GALNT17: variants seen among roughly 807,000 people sequenced by gnomAD.
The protein encoded by GALNT17 is UDP-GalNAc:polypeptide N-acetylgalactosaminyltransferase-like 3.
In GALNT17, 29 loss-of-function variants were observed where a neutral mutation model predicts 63.7. The observed-to-expected ratio is 0.46, with a 90% CI of 0.34 to 0.62. The LOEUF is 0.62. Ranked by LOEUF, GALNT17 falls within the 20% of genes least tolerant of loss-of-function variation. The probability of loss-of-function intolerance (pLI) is 0.01; values close to 1 mark genes in which losing one functional copy is unlikely to be tolerated. For missense variants in GALNT17, 603 were observed against 799.6 expected (o/e 0.75, Z 2.97); for synonymous variants, 305 against 318.3 (o/e 0.96, Z 0.45).
intron 1 of GALNT17, among the ~76,000 whole-genome samples, chr7:71,251,379 A>T (rs934304992): frequency 5.9e-5 from 9 of 152,200 alleles, no homozygotes; most frequent in African/African-American, 2.2e-4. Flanking sequence ...AATTAGTGTT[A>T]CTGGCAGTGG....
intron 5 of GALNT17, among the ~76,000 whole-genome samples, chr7:71,559,901 A>AC (rs72095869): frequency 3.1e-3 from 120 of 39,020 alleles, no homozygotes; most frequent in African/African-American, 0.013. Flanking sequence ...TAAAAACAAA[A>AC]AAAAAAAAAT....
At chr7:71,590,441 C>G (rs942816296) in intron 6 of GALNT17, among the ~76,000 whole-genome samples, 1 of 152,180 alleles carries the variant, frequency 6.6e-6, no homozygotes, top group Non-Finnish European at 1.5e-5. Flanking sequence ...CTGTCACTCT[C>G]ATTCATCTCC....
chr7:71,578,997 G>A (rs1415867574), intron 6 of GALNT17, among the ~76,000 whole-genome samples: 1 of 152,136 alleles, frequency 6.6e-6, no homozygotes, highest in East Asian at 1.9e-4. Context: ...AATGTAATTT[G>A]CATCATGGTC....
intron 5 of GALNT17, among the ~76,000 whole-genome samples, chr7:71,452,908 A>T (rs1403364211): frequency 6.6e-6 from 1 of 152,074 alleles, no homozygotes; most frequent in South Asian, 2.1e-4. Context: ...GCTTTTTCTC[A>T]ATTTTTCTCC....
At chr7:71,447,330 A>G (rs1459068143) in intron 5 of GALNT17, among the ~76,000 whole-genome samples, 1 of 152,206 alleles carries the variant, frequency 6.6e-6, no homozygotes, top group Non-Finnish European at 1.5e-5. Context: ...AACACTGCGT[A>G]CTGTTACAGG....
chr7:71,365,384 G>T (rs963001307), intron 2 of GALNT17, among the ~76,000 whole-genome samples: 2 of 152,104 alleles, frequency 1.3e-5, no homozygotes, highest in African/African-American at 4.8e-5. Context: ...TACTACAGGC[G>T]TGCGCCACCA....
intron 3 of GALNT17, among the ~76,000 whole-genome samples, chr7:71,411,825 C>T (rs1013823945): frequency 3.3e-5 from 5 of 152,232 alleles, no homozygotes. Flanking sequence ...TTTCCTGACC[C>T]TGGAGGTTGA....
In GALNT17 at chr7:71,710,651, C is replaced by T. The variant is rs145541844; in HGVS notation, c.1501-110C>T. The stretch of plus-strand genomic sequence containing the variant: ...CAGGCTGGGATGGTGGCCAGGACTG[C>T]AGTATTGACAAACAGCAGGAGTAAA... On this transcript the variant is annotated intron_variant, in intron 9 of 10. Transcript: ENST00000333538. 3.2e-6 allele frequency: 4 copies of T among 1,249,178 alleles called. No individual in the cohort carries two copies. The East Asian group carries it at 7.0e-5, about 22-fold the overall frequency. The allele number at this position is 1,249,178 out of a possible 1,614,324, so 77.4% of individuals were successfully genotyped here. A position where few individuals can be genotyped will look rare whatever the true frequency, so the allele number is the denominator to read the frequency against.
At chr7:71,316,305 G>A (rs1791499627) in intron 1 of GALNT17, among the ~76,000 whole-genome samples, 1 of 134,464 alleles carries the variant, frequency 7.4e-6, no homozygotes. Flanking sequence ...AGGGAGAATG[G>A]AACAGGGTGG....
At chr7:71,316,684 A>G (rs574167578) in intron 1 of GALNT17, among the ~76,000 whole-genome samples, 1 of 152,108 alleles carries the variant, frequency 6.6e-6, no homozygotes, top group South Asian at 2.1e-4. Context: ...CTTACTTCAC[A>G]CCTGAAGGGC....
chr7:71,449,113 T>TTTTTTC lies in GALNT17; in HGVS notation c.962+28013_962+28014insCTTTTT, dbSNP rs1226312762. ...AAATAACAGCTGCCTATTTTCTTTT[T>TTTTTTC]TTTTTTTTTTTTTTTTTGAGGCAGA... On this transcript the variant is annotated intron_variant, in intron 5 of 10. Transcript: ENST00000333538. Among the ~76,000 whole-genome samples the TTTTTTC allele has an allele frequency of 1.3e-4, 15 of 119,196 alleles. 1 individual carries two copies. Among genetic ancestry groups the TTTTTTC allele is most frequent in the Admixed American group, 2.6e-4 (3 of 11,334 alleles). 78.2% of individuals were successfully genotyped at this position (119,196 alleles called of 152,430 possible).
chr7:71,505,003 G>A (rs4719132), intron 5 of GALNT17, among the ~76,000 whole-genome samples: 152,218 of 152,300 alleles, frequency 1, 76,068 homozygotes, highest in Middle Eastern at 1. Flanking sequence ...CTTAGGGCAA[G>A]TTGGATCACA....
chr7:71,217,627 G>A (rs974182219), intron 1 of GALNT17, among the ~76,000 whole-genome samples: 3 of 151,736 alleles, frequency 2.0e-5, no homozygotes, highest in Admixed American at 6.6e-5. Flanking sequence ...GTACATAGTC[G>A]TTGTTAAAAA....
Position 71,634,169 on chromosome 7 carries a change from C to T in GALNT17, c.1081-31242C>T, listed in dbSNP as rs530823087. Among the ~76,000 whole-genome samples, 537 of 152,290 alleles carry T rather than the reference C, an allele frequency of 3.5e-3. 2 individuals carry two copies. The highest frequency in any genetic ancestry group is 5.6e-3 in the Admixed American group (86 of 15,282). ...TTGGAGTCTCCAGTGTCTATTACTT[C>T]CATCTTTCTGTCCATGTGCAATTGG... On this transcript the variant is annotated intron_variant, in intron 6 of 10. Coordinates refer to ENST00000333538, the MANE Select transcript of GALNT17 (RefSeq NM_022479.3).
Position 71,712,012 on chromosome 7 carries a change from T to G in GALNT17, c.1669-6T>G. 6.2e-7 allele frequency: 1 copy of G among 1,613,784 alleles called. No individual in the cohort carries two copies. Among genetic ancestry groups the G allele is most frequent in the Non-Finnish European group, 8.5e-7 (1 of 1,179,844 alleles). On this transcript the variant is annotated splice_region_variant and splice_polypyrimidine_tract_variant and intron_variant, in intron 10 of 10. Coordinates refer to ENST00000333538, the MANE Select transcript of GALNT17 (RefSeq NM_022479.3). Reference sequence around the variant, plus strand: ...CTCCTCTCTTCTCGATTTTGCCCCCTCCCAGAATGGAGCCATCATGAACAA... The same window carrying G: ...CTCCTCTCTTCTCGATTTTGCCCCCGCCCAGAATGGAGCCATCATGAACAA...
At chr7:71,229,275 T>C (rs932336494) in intron 1 of GALNT17, among the ~76,000 whole-genome samples, 1 of 152,182 alleles carries the variant, frequency 6.6e-6, no homozygotes, top group Admixed American at 6.5e-5. Flanking sequence ...CACTGCGACT[T>C]GGGAGTTGCA....
At chr7:71,325,323 T>C (rs1196259496) in intron 1 of GALNT17, among the ~76,000 whole-genome samples, 1 of 152,142 alleles carries the variant, frequency 6.6e-6, no homozygotes, top group Non-Finnish European at 1.5e-5. Flanking sequence ...TCCAAACAAA[T>C]GCCTGCCCAG....
At chr7:71,675,895 G>A (rs1472785703) in intron 8 of GALNT17, among the ~76,000 whole-genome samples, 5 of 152,146 alleles carry the variant, frequency 3.3e-5, no homozygotes, top group Non-Finnish European at 5.9e-5. Flanking sequence ...GGCTGAAGCA[G>A]GAGTATCGCT....
At chr7:71,201,257 A>ATATATATATATATAT (rs10526171) in intron 1 of GALNT17, among the ~76,000 whole-genome samples, 13 of 148,250 alleles carry the variant, frequency 8.8e-5, no homozygotes, top group East Asian at 4.0e-4. Flanking sequence ...ATATATATAT[A>ATATATATATATATAT]ATTTGTGTGT....
Sources: allele counts gnomAD v4.1 joint callset (sites outside exome capture counted in the v4.1 genomes callset), GRCh38; gene constraint gnomAD v4.1.1; transcripts MANE v1.5; gene names NCBI Gene and HGNC (gene_info 2026-07-23, HGNC 2026-07-21).